Variants in EVI5 observed in about 807,000 individuals in gnomAD.
EVI5 encodes ecotropic viral integration site 5 protein homolog.
Under a neutral mutation model 112.0 loss-of-function variants are expected in EVI5, and 73 were observed. That is an observed-to-expected ratio of 0.65 (90% CI 0.54 to 0.79). EVI5 has a LOEUF of 0.79. EVI5 is among the 30% of genes least tolerant of loss of function. The pLI is 0.00. For synonymous variants in EVI5, 305 were observed against 319.9 expected, an observed-to-expected ratio of 0.95 and a Z score of 0.50; for missense variants, 900 against 968.8, an observed-to-expected ratio of 0.93 and a Z score of 0.94.
At chr1:92,689,054 T>C (rs559152618) in intron 9 of EVI5, among the ~76,000 whole-genome samples, 1 of 151,752 alleles carries the variant, frequency 6.6e-6, no homozygotes, top group South Asian at 2.1e-4. Context: ...AGGAAAAAAA[T>C]AGAAGAAAAA....
At chr1:92,560,934 A>C (rs1668433086) in intron 19 of EVI5, among the ~76,000 whole-genome samples, 1 of 151,992 alleles carries the variant, frequency 6.6e-6, no homozygotes, top group Admixed American at 6.6e-5. Flanking sequence ...AAGCCATTCA[A>C]ATGTTAAGGA....
intron 13 of EVI5, among the ~76,000 whole-genome samples, chr1:92,648,354 C>A (rs1039536805): frequency 6.7e-6 from 1 of 149,862 alleles, no homozygotes; most frequent in Non-Finnish European, 1.5e-5. Flanking sequence ...TCCTGGGCAA[C>A]AGAGCGAGAC....
chr1:92,650,777 A>C (rs891276600), intron 13 of EVI5, among the ~76,000 whole-genome samples: 1 of 152,044 alleles, frequency 6.6e-6, no homozygotes. Context: ...ATTTTTCTCT[A>C]AAAAAATTTT....
At chr1:92,604,494 A>G (rs575360532) in intron 18 of EVI5, among the ~76,000 whole-genome samples, 243 of 152,356 alleles carry the variant, frequency 1.6e-3, no homozygotes, top group Non-Finnish European at 2.8e-3. Flanking sequence ...AATAACACAC[A>G]TGAAGCTGTC....
chr1:92,634,513 G>A (rs192233003), intron 14 of EVI5, among the ~76,000 whole-genome samples: 6 of 152,214 alleles, frequency 3.9e-5, no homozygotes, highest in Admixed American at 1.3e-4. Flanking sequence ...TTCTCGTGCC[G>A]TGGTTTTCAG....
chr1:92,519,769 G>A lies in EVI5; in HGVS notation c.2167-5799C>T, dbSNP rs1218479240. ...AAATTAGTTGGGTGTGGTGGTGCAC[G>A]CCTGTAATCCCAGCTACTTGGGAGG... On this transcript the variant is annotated intron_variant, in intron 19 of 19. Coordinates refer to ENST00000684568, the MANE Select transcript of EVI5 (RefSeq NM_001350197.2). Among the ~76,000 whole-genome samples the A allele has an allele frequency of 4.0e-5, 6 of 151,844 alleles. No individual in the cohort carries two copies. In the South Asian group the frequency reaches 6.3e-4, roughly 16 times the overall value.
In EVI5 at chr1:92,695,398, A is replaced by G. The variant is rs1670153862; in HGVS notation, c.821T>C (p.Met274Thr). The G allele has an allele frequency of 1.2e-6, 2 of 1,605,506 alleles. No individual in the cohort carries two copies. The highest frequency in any genetic ancestry group is 1.3e-5 in the African/African-American group (1 of 74,734). Residue 274 changes from methionine to threonine, a missense_variant, in exon 7 of 20, where the codon ATG becomes ACG. Physicochemically the swap from Met to Thr is moderately conservative, Grantham distance 81. Transcript: ENST00000684568. ...HFQSQSFHTS[M>T]YASSWFLTIF... ...AGTCAGAAACCAGGATGATGCATAC[A>G]TTGAGGTATGAAAACTCTGAGATTG...
Position 92,513,503 on chromosome 1 carries a change from A to T in EVI5, c.*153T>A, listed in dbSNP as rs1381295769. On this transcript the variant is annotated 3_prime_UTR_variant, in exon 20 of 20. Coordinates refer to ENST00000684568, the MANE Select transcript of EVI5 (RefSeq NM_001350197.2). ...TGGCAAAGATAAAAAGGCAGATAAG[A>T]CTGTAAAATATATATATATATATAT... The T allele has an allele frequency of 4.6e-6, 1 of 217,424 alleles. No homozygotes were observed. Among genetic ancestry groups the T allele is most frequent in the Non-Finnish European group, 8.7e-6 (1 of 114,548 alleles). The allele number at this position is 217,424 out of a possible 1,614,324, so 13.5% of individuals were successfully genotyped here.
chr1:92,579,023 A>C (rs1044986463), intron 18 of EVI5, among the ~76,000 whole-genome samples: 1 of 152,148 alleles, frequency 6.6e-6, no homozygotes, highest in African/African-American at 2.4e-5. Context: ...TAAACCTAAA[A>C]TCAGGATTTT....
At chr1:92,627,244 T>A (rs1397608081) in intron 14 of EVI5, among the ~76,000 whole-genome samples, 1 of 152,212 alleles carries the variant, frequency 6.6e-6, no homozygotes, top group Non-Finnish European at 1.5e-5. Flanking sequence ...CTCCCACATA[T>A]CAGTGAGAAC....
chr1:92,516,658 G>C (rs1344333413), intron 19 of EVI5, among the ~76,000 whole-genome samples: 2 of 152,130 alleles, frequency 1.3e-5, no homozygotes, highest in Non-Finnish European at 2.9e-5. Context: ...TGTTCTAGAA[G>C]GGGCTGCATG....
At chr1:92,592,249 A>G (rs1674084143) in intron 18 of EVI5, among the ~76,000 whole-genome samples, 1 of 152,158 alleles carries the variant, frequency 6.6e-6, no homozygotes, top group African/African-American at 2.4e-5. Context: ...TCTCAGAAAA[A>G]AAGAAAAAAA....
At position 92,694,287 on chromosome 1, in the gene EVI5, T is replaced by C. The variant is rs1169435821; in HGVS notation, c.999+12A>G. The C allele has an allele frequency of 6.8e-7, 1 of 1,478,120 alleles. No individual in the cohort carries two copies. The highest frequency in any genetic ancestry group is 9.3e-7 in the Non-Finnish European group (1 of 1,073,794). The allele number at this position is 1,478,120 out of a possible 1,614,324, so 91.6% of individuals were successfully genotyped here. A position where few individuals can be genotyped will look rare whatever the true frequency, so the allele number is the denominator to read the frequency against. ...CTCAAAAAAAAAAAAAGAAAATAAA[T>C]TATGAACTTACCTGTAACATCCCTT... On this transcript the variant is annotated intron_variant, in intron 8 of 19. Coordinates refer to ENST00000684568, the MANE Select transcript of EVI5 (RefSeq NM_001350197.2).
chr1:92,593,389 T>G (rs1674338912), intron 18 of EVI5, among the ~76,000 whole-genome samples: 1 of 152,202 alleles, frequency 6.6e-6, no homozygotes, highest in African/African-American at 2.4e-5. Flanking sequence ...CTAAAAACTC[T>G]CAATAAATTA....
chr1:92,542,962 G>A (rs775117793), intron 19 of EVI5, among the ~76,000 whole-genome samples: 14 of 152,130 alleles, frequency 9.2e-5, no homozygotes, highest in Non-Finnish European at 1.9e-4. Context: ...TTCATTTACA[G>A]AGCACAGGCA....
At chr1:92,630,519 G>GT (rs1348224516) in intron 14 of EVI5, among the ~76,000 whole-genome samples, 1 of 151,978 alleles carries the variant, frequency 6.6e-6, no homozygotes, top group African/African-American at 2.4e-5. Context: ...GGGGTTGTTT[G>GT]TTTTTTTCTT....
At chr1:92,778,920 A>G (rs907961464) in intron 1 of EVI5, among the ~76,000 whole-genome samples, 1 of 152,148 alleles carries the variant, frequency 6.6e-6, no homozygotes, top group African/African-American at 2.4e-5. Flanking sequence ...AATTTTTTTA[A>G]CTATCCCTAC....
chr1:92,536,490 T>C (rs1175436810), intron 19 of EVI5, among the ~76,000 whole-genome samples: 1 of 152,212 alleles, frequency 6.6e-6, no homozygotes, highest in African/African-American at 2.4e-5. Flanking sequence ...ATTACAGCTA[T>C]TCCACGCAAG....
chr1:92,583,944 T>C lies in EVI5; in HGVS notation c.2071-20207A>G, dbSNP rs142419675. Among the ~76,000 whole-genome samples the C allele has an allele frequency of 1.2e-3, 184 of 152,304 alleles. 1 individual carries two copies. Among genetic ancestry groups the C allele is most frequent in the African/African-American group, 4.2e-3 (173 of 41,580 alleles). ...AGTAACAGAAACAATTAGTAATCTC[T>C]CTCTGTTCTTTTTCATAGAGATTTC... On this transcript the variant is annotated intron_variant, in intron 18 of 19. Transcript: ENST00000684568.
Sources: allele counts gnomAD v4.1 joint callset (sites outside exome capture counted in the v4.1 genomes callset), GRCh38; gene constraint gnomAD v4.1.1; transcripts MANE v1.5; gene names NCBI Gene and HGNC (gene_info 2026-07-23, HGNC 2026-07-21).